The following TMEM94 variants were observed in gnomAD, a reference collection of about 807,000 sequenced individuals.
TMEM94 encodes the protein transmembrane protein 94.
In TMEM94, 81 loss-of-function variants were observed where a neutral mutation model predicts 158.6. The ratio of observed to expected loss-of-function variants is 0.51; its 90% CI spans 0.43 to 0.61. TMEM94 has a LOEUF of 0.61. TMEM94 is among the 20% of genes least tolerant of loss of function. The pLI is 0.00. For synonymous variants in TMEM94, 751 were observed against 730.7 expected (o/e 1.03, Z -0.45); for missense variants, 1,435 against 1,762.0 (o/e 0.81, Z 3.32).
chr17:75,489,217 G>T lies in TMEM94; in HGVS notation c.765-49G>T. 1 of 1,561,608 alleles carries T rather than the reference G, an allele frequency of 6.4e-7. No individual in the cohort carries two copies. Among genetic ancestry groups the T allele is most frequent in the Non-Finnish European group, 8.8e-7 (1 of 1,132,736 alleles). Reference sequence around the variant, plus strand: ...GGCCCAGAATCCTCCCAAGGTGTAGGTTTCTAGCCTCTCTGCCAAGTGAGA... The same window carrying T: ...GGCCCAGAATCCTCCCAAGGTGTAGTTTTCTAGCCTCTCTGCCAAGTGAGA... On this transcript the variant is annotated intron_variant, in intron 7 of 31. Transcript: ENST00000314256. The surrounding 1 kb of genome is among the most constrained non-coding windows in gnomAD (Gnocchi z 5.0).
Position 75,492,295 on chromosome 17 carries a change from G to T in TMEM94, c.1597-179G>T. On this transcript the variant is annotated intron_variant, in intron 14 of 31. Coordinates refer to ENST00000314256, the MANE Select transcript of TMEM94 (RefSeq NM_014738.6). The surrounding 1 kb of genome is among the most constrained non-coding windows in gnomAD (Gnocchi z 4.4). ...TCCATAGAAGCAGACAGGAGCCCAA[G>T]AAGGACAGGAAGCGGATTTCAGGAG... 1 of 1,428,106 alleles carries T rather than the reference G, an allele frequency of 7.0e-7. No individual in the cohort carries two copies. 88.5% of individuals were successfully genotyped at this position (1,428,106 alleles called of 1,614,324 possible).
intron 1 of TMEM94, among the ~76,000 whole-genome samples, chr17:75,466,710 C>T (rs779196117): frequency 2.0e-5 from 3 of 151,688 alleles, no homozygotes; most frequent in Admixed American, 6.6e-5. Context: ...CCCAGCTGTT[C>T]GGGAGGCTGA....
chr17:75,490,056 C>T (rs1598404454), intron 9 of TMEM94, 178 bp from the exon 10 acceptor site: 10 of 839,638 alleles, frequency 1.2e-5, no homozygotes, highest in East Asian at 8.7e-5. Flanking sequence ...TCCAGCCTGG[C>T]GACGGAGCAA....
chr17:75,465,013 TGTTA>T (rs903026449), intron 1 of TMEM94, among the ~76,000 whole-genome samples: 30 of 152,104 alleles, frequency 2.0e-4, no homozygotes, highest in Admixed American at 1.8e-3. Context: ...TTGTTGTTGT[TGTTA>T]GAGACAGGGT....
chr17:75,495,704 G>C lies in TMEM94; in HGVS notation c.2944+61G>C, dbSNP rs1319461812. ...GTCCCGTCGGCTGAGCTCTGCCTGG[G>C]CCTGCGTACCCCGTGGGCTCTGGAG... is the stretch of plus-strand genomic sequence containing the variant. On this transcript the variant is annotated intron_variant, in intron 22 of 31. Coordinates refer to ENST00000314256, the MANE Select transcript of TMEM94 (RefSeq NM_014738.6). The surrounding 1 kb of genome is among the most constrained non-coding windows in gnomAD (Gnocchi z 5.6). The C allele has an allele frequency of 6.6e-7, 1 of 1,506,688 alleles. No individual in the cohort carries two copies. Among genetic ancestry groups the C allele is most frequent in the Non-Finnish European group, 9.2e-7 (1 of 1,086,294 alleles). 93.3% of individuals were successfully genotyped at this position (1,506,688 alleles called of 1,614,324 possible). A position where few individuals can be genotyped will look rare whatever the true frequency, so the allele number is the denominator to read the frequency against.
At chr17:75,497,344 CTTTTTTTTTTT>C (rs67776731) in intron 26 of TMEM94, 146 bp downstream of exon 26, 1 of 130,118 alleles carries the variant, frequency 7.7e-6, no homozygotes, top group Non-Finnish European at 1.3e-5. Context: ...CCCCCTTTGT[CTTTTTTTTTTT>C]TTTTTTTTTT....
intron 1 of TMEM94, among the ~76,000 whole-genome samples, chr17:75,462,001 G>GTTTT (rs1230233393): frequency 0.05 from 4,225 of 85,290 alleles, 760 homozygotes; most frequent in South Asian, 0.066. Context: ...TTTTTGTTTT[G>GTTTT]TTTTGTTTTG....
At chr17:75,457,600 T>C (rs1469764570) in intron 1 of TMEM94, 2 of 152,218 alleles carry the variant, frequency 1.3e-5, no homozygotes, top group South Asian at 2.1e-4. Context: ...ATGGAATCTG[T>C]TTTCCTTCTG....
intron 4 of TMEM94, 95 bp downstream of exon 4, chr17:75,486,093 C>G: frequency 6.8e-7 from 1 of 1,467,562 alleles, no homozygotes. Flanking sequence ...GGGCTGTCAC[C>G]CCCAAGCTGC....
chr17:75,476,866 C>T, intron 2 of TMEM94: 1 of 1,422,554 alleles, frequency 7.0e-7, no homozygotes, highest in Admixed American at 2.2e-5. Context: ...TGGGAGGCTG[C>T]TTGAATGAGC....
Position 75,491,661 on chromosome 17 carries a change from G to C in TMEM94, c.1387-30G>C, listed in dbSNP as rs1195246246. On this transcript the variant is annotated intron_variant, in intron 13 of 31. Coordinates refer to ENST00000314256, the MANE Select transcript of TMEM94 (RefSeq NM_014738.6). This position sits in a 1 kb window ranked among gnomAD's most constrained non-coding sequence, Gnocchi z 5.1. ...CCTCCCCAGGCCATGGGAGCCACTGGTCCTAGCCTGTGCTCCTCATTCTCT... is the reference window on the plus strand; with the variant it reads ...CCTCCCCAGGCCATGGGAGCCACTGCTCCTAGCCTGTGCTCCTCATTCTCT... 6.2e-7 allele frequency: 1 copy of C among 1,610,066 alleles called. No individual in the cohort carries two copies. Among genetic ancestry groups the C allele is most frequent in the South Asian group, 1.1e-5 (1 of 90,896 alleles).
In TMEM94 at chr17:75,472,049, G is replaced by A. The variant is rs2050521113; in HGVS notation, c.24+120G>A. The A allele has an allele frequency of 9.4e-6, 9 of 959,916 alleles. 1 individual carries two copies. In the South Asian group the frequency reaches 1.1e-4, roughly 12 times the overall value. The allele number at this position is 959,916 out of a possible 1,614,324, so 59.5% of individuals were successfully genotyped here. Reference sequence around the variant, plus strand: ...CTTTAAACAAAAGTTGAGAGAGGAGGCAAGGCTCTGAGTCTTGGGGGATGC... The same window carrying A: ...CTTTAAACAAAAGTTGAGAGAGGAGACAAGGCTCTGAGTCTTGGGGGATGC... On this transcript the variant is annotated intron_variant, in intron 2 of 31. Transcript: ENST00000314256.
At chr17:75,467,510 A>G (rs1306608129) in intron 1 of TMEM94, among the ~76,000 whole-genome samples, 1 of 126,762 alleles carries the variant, frequency 7.9e-6, no homozygotes, top group Non-Finnish European at 1.7e-5. Flanking sequence ...TATGCCATCC[A>G]TTTCTTTTTC....
Position 75,471,905 on chromosome 17 carries a change from C to T in TMEM94, c.-1C>T. On this transcript the variant is annotated 5_prime_UTR_variant, in exon 2 of 32. Coordinates refer to ENST00000314256, the MANE Select transcript of TMEM94 (RefSeq NM_014738.6). ...GGGCATGCCTGCAGTACTCTTGGCC[C>T]ATGGACCTGAAGGAGAAGCACCTGG... The T allele has an allele frequency of 6.2e-7, 1 of 1,613,966 alleles. No homozygotes were observed. The highest frequency in any genetic ancestry group is 8.5e-7 in the Non-Finnish European group (1 of 1,179,920).
In TMEM94 at chr17:75,485,803, C is replaced by G. The variant is rs1168876737; in HGVS notation, c.145-68C>G. The stretch of plus-strand genomic sequence containing the variant: ...GCGGCCATGGGGGCTGGGAAGGGTG[C>G]CGGGGGAGGCAGCCAGATTGGAGTG... On this transcript the variant is annotated intron_variant, in intron 3 of 31. Coordinates refer to ENST00000314256, the MANE Select transcript of TMEM94 (RefSeq NM_014738.6). The surrounding 1 kb of genome is among the most constrained non-coding windows in gnomAD (Gnocchi z 5.5). The G allele has an allele frequency of 4.6e-5, 70 of 1,520,616 alleles. No homozygotes were observed. Among genetic ancestry groups the G allele is most frequent in the Non-Finnish European group, 6.0e-5 (68 of 1,126,544 alleles). 94.2% of individuals were successfully genotyped at this position (1,520,616 alleles called of 1,614,324 possible). A position where few individuals can be genotyped will look rare whatever the true frequency, so the allele number is the denominator to read the frequency against.
chr17:75,493,726 A>T lies in TMEM94; in HGVS notation c.2217A>T (p.Arg739=). The T allele has an allele frequency of 6.2e-7, 1 of 1,614,022 alleles. No individual in the cohort carries two copies. Among genetic ancestry groups the T allele is most frequent in the Non-Finnish European group, 8.5e-7 (1 of 1,180,016 alleles). ...DRKKVLDFYQ[R]ACLSGYCSAF... is the part of the protein sequence containing the mutation. ...AGAAAGTGCTGGACTTCTACCAGCG[A>T]GCCTGCCTGTCTGGGTATTGCTCTG... Residue 739 remains arginine, a synonymous_variant, in exon 18 of 32, where the codon CGA becomes CGT. Coordinates refer to ENST00000314256, the MANE Select transcript of TMEM94 (RefSeq NM_014738.6).
In TMEM94 at chr17:75,498,781, G is replaced by A. The variant is rs1333736642; in HGVS notation, c.3827+59G>A. ...GCTGGGGAGGAGAGGGCCTTCTGCA[G>A]GGCTAGGATCGGAGGGCGGGACCGG... is the stretch of plus-strand genomic sequence containing the variant. On this transcript the variant is annotated intron_variant, in intron 30 of 31. Coordinates refer to ENST00000314256, the MANE Select transcript of TMEM94 (RefSeq NM_014738.6). The surrounding 1 kb of genome is among the most constrained non-coding windows in gnomAD (Gnocchi z 6.7). The A allele has an allele frequency of 6.5e-7, 1 of 1,530,436 alleles. No homozygotes were observed. Among genetic ancestry groups the A allele is most frequent in the African/African-American group, 1.4e-5 (1 of 72,318 alleles). The allele number at this position is 1,530,436 out of a possible 1,614,324, so 94.8% of individuals were successfully genotyped here.
chr17:75,467,510 A>ATTTCTT (rs1567909614), intron 1 of TMEM94, among the ~76,000 whole-genome samples: 3 of 126,762 alleles, frequency 2.4e-5, no homozygotes, highest in Admixed American at 1.6e-4. Flanking sequence ...TATGCCATCC[A>ATTTCTT]TTTCTTTTTC....
chr17:75,481,084 C>T (rs995857963), intron 2 of TMEM94, among the ~76,000 whole-genome samples: 3 of 152,228 alleles, frequency 2.0e-5, no homozygotes, highest in African/African-American at 2.4e-5. Context: ...CCTATGGTCT[C>T]CTCTTCCTGT....
Sources: gnomAD v4.1 joint callset for allele counts (sites outside exome capture counted in the v4.1 genomes callset) on GRCh38, gnomAD v4.1.1 for gene constraint, Gnocchi (gnomAD v3.1) non-coding constraint, MANE v1.5 for transcripts, NCBI Gene and HGNC (gene_info 2026-07-23, HGNC 2026-07-21) for gene names.